Variants in ANKRD20A1 observed in about 807,000 individuals in gnomAD.
ANKRD20A1 encodes the protein ankyrin repeat domain 20 family member A1.
In ANKRD20A1, 2 loss-of-function variants were observed where a neutral mutation model predicts 50.9. That is an observed-to-expected ratio of 0.04 (90% CI 0.02 to 0.12). The LOEUF is 0.12. Among genes scored for constraint, ANKRD20A1 ranks in the 10% least tolerant of loss-of-function variants. The pLI, the probability that ANKRD20A1 is intolerant of heterozygous loss-of-function variation, is 1.00. For synonymous variants in ANKRD20A1, 10 were observed against 186.2 expected (o/e 0.05, Z 7.70); for missense variants, 31 against 548.1 (o/e 0.06, Z 9.42).
At position 67,872,348 on chromosome 9, in the gene ANKRD20A1, A is replaced by G. The variant is rs546950019; in HGVS notation, c.793+1136A>G. ...TCTGTCATAGTTTACATACATACAC[A>G]TACACACACGCACATGTGCACACAC... is the stretch of plus-strand genomic sequence containing the variant. On this transcript the variant is annotated intron_variant, in intron 6 of 14. Transcript: ENST00000562196. Among the ~76,000 whole-genome samples the G allele has an allele frequency of 1.5e-4, 20 of 134,424 alleles. 5 individuals carry two copies. Among genetic ancestry groups the G allele is most frequent in the Non-Finnish European group, 3.1e-4 (19 of 60,996 alleles). 88.2% of individuals were successfully genotyped at this position (134,424 alleles called of 152,430 possible).
At chr9:67,883,158 G>A (rs1479443716) in intron 8 of ANKRD20A1, among the ~76,000 whole-genome samples, 3 of 151,154 alleles carry the variant, frequency 2.0e-5, no homozygotes, top group Non-Finnish European at 4.4e-5. Flanking sequence ...ACCCAGTAAT[G>A]GGATGGCTGG....
chr9:67,884,842 A>G (rs534648865), intron 9 of ANKRD20A1, among the ~76,000 whole-genome samples: 244 of 151,400 alleles, frequency 1.6e-3, no homozygotes, highest in Middle Eastern at 0.014. Flanking sequence ...GTGAGCGGAG[A>G]TACCACCACT....
chr9:67,867,893 G>A (rs1482475821), intron 4 of ANKRD20A1, among the ~76,000 whole-genome samples: 4 of 124,726 alleles, frequency 3.2e-5, no homozygotes, highest in South Asian at 2.6e-4. Flanking sequence ...TCTTGACCTC[G>A]TGATCTGCTC....
rs566528448 is a variant in ANKRD20A1 at position 67,897,788 on chromosome 9, T to G, written c.1316+66T>G. 64 of 830,380 alleles carry G rather than the reference T, an allele frequency of 7.7e-5. 6 individuals are homozygous for G. The highest frequency in any genetic ancestry group is 1.0e-4 in the Non-Finnish European group (63 of 623,322). The allele number at this position is 830,380 out of a possible 1,614,324, so 51.4% of individuals were successfully genotyped here. A position where few individuals can be genotyped will look rare whatever the true frequency, so the allele number is the denominator to read the frequency against. On this transcript the variant is annotated intron_variant, in intron 13 of 14. Transcript: ENST00000562196. ...TTGGGTTTTTTTTGTTTGTTTTTGT[T>G]TTTTTGAGATGGAGTTTCTCTCTTG...
intron 9 of ANKRD20A1, among the ~76,000 whole-genome samples, chr9:67,884,949 A>T: frequency 7.6e-6 from 1 of 131,722 alleles, no homozygotes; most frequent in Admixed American, 8.8e-5. Context: ...TATGAGCACT[A>T]ATAGAGTGTA....
intron 8 of ANKRD20A1, among the ~76,000 whole-genome samples, chr9:67,881,047 T>G (rs1257087084): frequency 4.8e-5 from 7 of 146,186 alleles, no homozygotes; most frequent in Non-Finnish European, 9.0e-5. Context: ...TATTTTGGTA[T>G]CATATTGTTT....
rs1827498277 is a variant in ANKRD20A1, at chr9:67,861,314, T to A, written c.204-1627T>A. 6.2e-5 allele frequency among the ~76,000 whole-genome samples: 3 copies of A among 48,508 alleles called. 1 individual carries two copies. The highest frequency in any genetic ancestry group is 3.5e-4 in the African/African-American group (3 of 8,506). The allele number at this position is 48,508 out of a possible 152,430, so 31.8% of individuals were successfully genotyped here. On this transcript the variant is annotated intron_variant, in intron 1 of 14. Transcript: ENST00000562196. ...TTATCTATATATTTTATTATGTACA[T>A]ATGTTTTGCTTATATACTCATTCCA...
rs1419358799 is a variant in ANKRD20A1 at position 67,858,933 on chromosome 9, CTTT to C, written c.-493_-491del. 6.8e-5 allele frequency among the ~76,000 whole-genome samples: 2 copies of C among 29,232 alleles called. No individual in the cohort carries two copies. The highest frequency in any genetic ancestry group is 1.3e-4 in the Non-Finnish European group (2 of 15,224). 19.2% of individuals were successfully genotyped at this position (29,232 alleles called of 152,430 possible). On this transcript the variant is annotated 5_prime_UTR_variant, in exon 1 of 15. Transcript: ENST00000562196. ...CGGGCTGCAAGGCCAGACAGGCCCT[CTTT>C]CTCAGGCCGGGCTGGCTGCGCGCCT...
At chr9:67,885,675 G>T (rs1410976190) in intron 9 of ANKRD20A1, among the ~76,000 whole-genome samples, 1 of 152,308 alleles carries the variant, frequency 6.6e-6, no homozygotes, top group Non-Finnish European at 1.5e-5. Context: ...GGCCAAAAGG[G>T]CAATTAGGGG....
intron 8 of ANKRD20A1, among the ~76,000 whole-genome samples, chr9:67,881,539 G>A (rs1214270632): frequency 1.7e-4 from 26 of 152,032 alleles, no homozygotes; most frequent in South Asian, 6.2e-4. Context: ...GGCCGAGGTC[G>A]GTAGATCACC....
intron 6 of ANKRD20A1, among the ~76,000 whole-genome samples, 169 bp downstream of exon 6, chr9:67,871,381 A>T (rs200035600): frequency 7.3e-6 from 1 of 137,476 alleles, no homozygotes; most frequent in African/African-American, 2.7e-5. Flanking sequence ...ATTAATTTTT[A>T]AAATTTAACT....
In ANKRD20A1 at chr9:67,864,650, A is replaced by G. The variant is rs1220738518; in HGVS notation, c.492+1259A>G. 7.6e-5 allele frequency among the ~76,000 whole-genome samples: 2 copies of G among 26,470 alleles called. 1 individual carries two copies. Among genetic ancestry groups the G allele is most frequent in the Non-Finnish European group, 1.5e-4 (2 of 13,790 alleles). 17.4% of individuals were successfully genotyped at this position (26,470 alleles called of 152,430 possible). Reference sequence around the variant, plus strand: ...AGTGAGACTCTTGTCTCTAACAACAATAATAGCCAAAAAAAAAAAAAAAAA... The same window carrying G: ...AGTGAGACTCTTGTCTCTAACAACAGTAATAGCCAAAAAAAAAAAAAAAAA... On this transcript the variant is annotated intron_variant, in intron 3 of 14. Transcript: ENST00000562196.
chr9:67,865,519 C>T (rs879333952), intron 3 of ANKRD20A1, among the ~76,000 whole-genome samples: 1,349 of 144,016 alleles, frequency 9.4e-3, no homozygotes, highest in Admixed American at 0.013. Context: ...ACATTAATAG[C>T]GAATATAAAA....
chr9:67,891,084 T>C (rs1354987520), intron 11 of ANKRD20A1, among the ~76,000 whole-genome samples: 1 of 86,516 alleles, frequency 1.2e-5, no homozygotes, highest in Non-Finnish European at 2.5e-5. Context: ...TAACCTGAGG[T>C]TGGGAGTTTG....
At position 67,860,532 on chromosome 9, in the gene ANKRD20A1, T is replaced by A. The variant is rs1827493974; in HGVS notation, c.203+903T>A. 2 of 42,654 alleles carry A rather than the reference T, an allele frequency of 4.7e-5. 1 individual carries two copies. The highest frequency in any genetic ancestry group is 2.8e-4 in the African/African-American group (2 of 7,178). The allele number at this position is 42,654 out of a possible 1,614,324, so 2.6% of individuals were successfully genotyped here. A position where few individuals can be genotyped will look rare whatever the true frequency, so the allele number is the denominator to read the frequency against. On this transcript the variant is annotated intron_variant, in intron 1 of 14. Transcript: ENST00000562196. ...AGTGGGCAAAGTACCTTTTTCCAGATCTACAAGTTACTTATATACATAGGA... is the reference window on the plus strand; with the variant it reads ...AGTGGGCAAAGTACCTTTTTCCAGAACTACAAGTTACTTATATACATAGGA...
chr9:67,867,879 G>A (rs532519312), intron 4 of ANKRD20A1, among the ~76,000 whole-genome samples: 9 of 123,700 alleles, frequency 7.3e-5, no homozygotes, highest in African/African-American at 2.0e-4. Flanking sequence ...GGATGGTCTC[G>A]ATCTCTTGAC....
At chr9:67,865,536 A>T (rs1475145476) in intron 3 of ANKRD20A1, among the ~76,000 whole-genome samples, 8 of 148,832 alleles carry the variant, frequency 5.4e-5, no homozygotes, top group African/African-American at 2.0e-4. Context: ...AAAAAAAACA[A>T]GGGCTATATT....
Position 67,860,405 on chromosome 9 carries a change from A to G in ANKRD20A1, c.203+776A>G, listed in dbSNP as rs1438673687. The G allele has an allele frequency of 5.6e-5, 2 of 35,942 alleles. 1 individual carries two copies. Among genetic ancestry groups the G allele is most frequent in the African/African-American group, 2.8e-4 (2 of 7,196 alleles). 2.2% of individuals were successfully genotyped at this position (35,942 alleles called of 1,614,324 possible). A position where few individuals can be genotyped will look rare whatever the true frequency, so the allele number is the denominator to read the frequency against. ...ATATTACTGATATGTATACATATAT[A>G]ACACATATGTTATATATATCAGTTA... On this transcript the variant is annotated intron_variant, in intron 1 of 14. Coordinates refer to ENST00000562196, the MANE Select transcript of ANKRD20A1 (RefSeq NM_032250.5).
chr9:67,882,343 A>G, intron 8 of ANKRD20A1, among the ~76,000 whole-genome samples: 1 of 150,750 alleles, frequency 6.6e-6, no homozygotes, highest in Non-Finnish European at 1.5e-5. Context: ...TGTTATAAGT[A>G]ATATAATAAA....
Sources: gnomAD v4.1 joint callset for allele counts (sites outside exome capture counted in the v4.1 genomes callset) on GRCh38, gnomAD v4.1.1 for gene constraint, MANE v1.5 for transcripts, NCBI Gene and HGNC (gene_info 2026-07-23, HGNC 2026-07-21) for gene names.